The following PAX7 variants were observed in gnomAD, a reference collection of about 807,000 sequenced individuals.
PAX7 encodes paired box protein Pax-7.
In PAX7, 18 loss-of-function variants were observed where a neutral mutation model predicts 50.7. The ratio of observed to expected loss-of-function variants is 0.36; its 90% CI spans 0.25 to 0.53. The LOEUF is 0.53. PAX7 is among the 20% of genes least tolerant of loss of function. The pLI is 0.93. For synonymous variants in PAX7, 310 were observed against 290.4 expected, an observed-to-expected ratio of 1.07 and a Z score of -0.69; for missense variants, 644 against 702.9, an observed-to-expected ratio of 0.92 and a Z score of 0.95.
chr1:18,726,364 A>T lies in PAX7; in HGVS notation c.1156-9268A>T, dbSNP rs2089571831. 6.6e-6 allele frequency among the ~76,000 whole-genome samples: 1 copy of T among 152,234 alleles called. No individual in the cohort carries two copies. Among genetic ancestry groups the T allele is most frequent in the South Asian group, 2.1e-4 (1 of 4,834 alleles). On this transcript the variant is annotated intron_variant, in intron 7 of 8. Coordinates refer to ENST00000420770, the MANE Select transcript of PAX7 (RefSeq NM_001135254.2). This position sits in a 1 kb window ranked among gnomAD's most constrained non-coding sequence, Gnocchi z 4.8. ...CTCAATTTATTCTTTTCCTCCAACC[A>T]ACTCTGTGCTAGATCCTGTGCTCAG...
chr1:18,667,417 AG>A (rs1220600052), intron 4 of PAX7, among the ~76,000 whole-genome samples: 1 of 150,504 alleles, frequency 6.6e-6, no homozygotes, highest in African/African-American at 2.4e-5. Context: ...GAAGGAAGGA[AG>A]GAAGGAAGGA....
intron 4 of PAX7, among the ~76,000 whole-genome samples, chr1:18,674,702 T>C (rs893383286): frequency 3.3e-5 from 5 of 152,236 alleles, no homozygotes; most frequent in African/African-American, 1.2e-4. Context: ...TCCCCCTTTT[T>C]CCACTGTGCT....
At chr1:18,736,498 A>G (rs1277595689) in intron 8 of PAX7, among the ~76,000 whole-genome samples, 8 of 151,884 alleles carry the variant, frequency 5.3e-5, no homozygotes, top group Non-Finnish European at 1.0e-4. Context: ...GAGAAGAAAC[A>G]ATGGAATTAT....
At chr1:18,668,861 G>T (rs768165288) in intron 4 of PAX7, among the ~76,000 whole-genome samples, 10 of 152,244 alleles carry the variant, frequency 6.6e-5, no homozygotes, top group Non-Finnish European at 7.3e-5. Flanking sequence ...GGCTGCCTTT[G>T]TCCTGGTTTG....
intron 1 of PAX7, 83 bp downstream of exon 1, chr1:18,631,771 G>C: frequency 8.7e-7 from 1 of 1,149,798 alleles, no homozygotes; most frequent in Non-Finnish European, 1.3e-6. Context: ...TCCAGGGGAC[G>C]GTGGCGGCGC....
In PAX7 at chr1:18,703,088, C is replaced by G. The variant is rs1466692608; in HGVS notation, c.953-6C>G. On this transcript the variant is annotated splice_polypyrimidine_tract_variant and splice_region_variant and intron_variant, in intron 6 of 8. Transcript: ENST00000420770. The stretch of plus-strand genomic sequence containing the variant: ...TGCTTAGGACCTCTCTTGGGTCTCT[C>G]TACAGATGGGGGCAGCACTGTGCAC... 6.2e-7 allele frequency: 1 copy of G among 1,612,982 alleles called. No homozygotes were observed. The highest frequency in any genetic ancestry group is 1.7e-5 in the Admixed American group (1 of 59,984).
At chr1:18,696,931 T>A (rs1260707586) in intron 5 of PAX7, among the ~76,000 whole-genome samples, 1 of 152,130 alleles carries the variant, frequency 6.6e-6, no homozygotes, top group Non-Finnish European at 1.5e-5. Context: ...ACACAAAGGG[T>A]AAATGCTTGA....
intron 7 of PAX7, among the ~76,000 whole-genome samples, chr1:18,716,165 C>T (rs2089417552): frequency 6.6e-6 from 1 of 152,192 alleles, no homozygotes. Flanking sequence ...CTGCTAAGGG[C>T]AGGGGAGGCT....
chr1:18,646,509 G>C (rs1161827108), intron 4 of PAX7, among the ~76,000 whole-genome samples: 1 of 152,096 alleles, frequency 6.6e-6, no homozygotes, highest in Non-Finnish European at 1.5e-5. Flanking sequence ...AATTAGGGCC[G>C]GGAAAGCGGT....
At chr1:18,676,560 C>T (rs1341143450) in intron 4 of PAX7, among the ~76,000 whole-genome samples, 2 of 152,056 alleles carry the variant, frequency 1.3e-5, no homozygotes, top group East Asian at 3.9e-4. Context: ...CTTCCCCACC[C>T]CCTTCTCCTA....
chr1:18,691,070 A>T lies in PAX7; in HGVS notation c.587-684A>T, dbSNP rs148119489. 2.4e-3 allele frequency among the ~76,000 whole-genome samples: 365 copies of T among 152,232 alleles called. 3 individuals carry two copies. In the South Asian group the frequency reaches 0.03, roughly 12 times the overall value. On this transcript the variant is annotated intron_variant, in intron 4 of 8. Transcript: ENST00000420770. ...TTGGCTTACTATAACCTGGAACTCC[A>T]GGGCTCAAGCGATTCTCCCACCTCA...
At chr1:18,697,594 C>T (rs975162149) in intron 5 of PAX7, among the ~76,000 whole-genome samples, 3 of 152,192 alleles carry the variant, frequency 2.0e-5, no homozygotes, top group East Asian at 1.9e-4. Context: ...AGGCAGTTGA[C>T]TCCAGCATCC....
rs767089117 is a variant in PAX7 at position 18,635,220 on chromosome 1, A to G, written c.431A>G (p.Asp144Gly). The G allele has an allele frequency of 1.2e-6, 2 of 1,613,710 alleles. No homozygotes were observed. The highest frequency in any genetic ancestry group is 2.2e-5 in the South Asian group (2 of 91,046). The change falls in exon 3 of 9, where the codon GAC becomes GGC. Residue 144 changes from aspartate (D) to glycine (G), a missense_variant. Physicochemically the swap from Asp to Gly is moderately conservative, Grantham distance 94. Coordinates refer to ENST00000420770, the MANE Select transcript of PAX7 (RefSeq NM_001135254.2). ...RDRLLKDGHC[D>G]RSTVPSGLVS... ...AGGCTGCTGAAGGATGGGCACTGTG[A>G]CCGAAGCACTGTGCCCTCAGGTGAG...
At chr1:18,655,027 GA>G (rs1305641600) in intron 4 of PAX7, among the ~76,000 whole-genome samples, 1 of 152,212 alleles carries the variant, frequency 6.6e-6, no homozygotes, top group Non-Finnish European at 1.5e-5. Context: ...TCCTGGGCCA[GA>G]ACCATATATG....
At chr1:18,711,451 C>T (rs2089350644) in intron 7 of PAX7, among the ~76,000 whole-genome samples, 1 of 152,212 alleles carries the variant, frequency 6.6e-6, no homozygotes, top group Non-Finnish European at 1.5e-5. Flanking sequence ...TCTTTTACTT[C>T]CCTGCTCTCC....
intron 7 of PAX7, among the ~76,000 whole-genome samples, chr1:18,733,409 T>C (rs1428150366): frequency 6.6e-6 from 1 of 152,092 alleles, no homozygotes; most frequent in Non-Finnish European, 1.5e-5. Context: ...CAGGCAGACT[T>C]TCTCTCTCCT....
intron 4 of PAX7, among the ~76,000 whole-genome samples, chr1:18,686,913 CAG>C (rs1485725567): frequency 1.4e-5 from 2 of 138,698 alleles, no homozygotes; most frequent in Non-Finnish European, 3.1e-5. Context: ...TTTTTTGAGA[CAG>C]AGTCTTGCTC....
Position 18,745,817 on chromosome 1 carries a change from T to TG in PAX7, c.*892dup, listed in dbSNP as rs530360582. 5.1e-4 allele frequency: 118 copies of TG among 232,082 alleles called. No homozygotes were observed. Among genetic ancestry groups the TG allele is most frequent in the African/African-American group, 2.5e-3 (113 of 45,318 alleles). 14.4% of individuals were successfully genotyped at this position (232,082 alleles called of 1,614,324 possible). ...CCTTCATTAGCTGAATCAGATGAGATGGGGAGGGGATAAAGTCTTGAGGAT... is the reference window on the plus strand; with the variant it reads ...CCTTCATTAGCTGAATCAGATGAGATGGGGGAGGGGATAAAGTCTTGAGGAT... On this transcript the variant is annotated 3_prime_UTR_variant, in exon 9 of 9. Transcript: ENST00000420770.
intron 7 of PAX7, among the ~76,000 whole-genome samples, chr1:18,728,586 C>T (rs777815427): frequency 4.0e-5 from 6 of 151,814 alleles, no homozygotes; most frequent in East Asian, 3.9e-4. Flanking sequence ...CCTGACCGGG[C>T]GTCGTGGCTC....
Sources: gnomAD v4.1 joint callset for allele counts (sites outside exome capture counted in the v4.1 genomes callset) on GRCh38, gnomAD v4.1.1 for gene constraint, Gnocchi (gnomAD v3.1) non-coding constraint, MANE v1.5 for transcripts, NCBI Gene and HGNC (gene_info 2026-07-23, HGNC 2026-07-21) for gene names.